RNF6: variants seen among roughly 807,000 people sequenced by gnomAD.
The protein encoded by RNF6 is ring finger protein 6.
Under a neutral mutation model 50.1 loss-of-function variants are expected in RNF6, and 21 were observed. That is an observed-to-expected ratio of 0.42 (90% CI 0.30 to 0.60). The LOEUF is 0.60. RNF6 is among the 20% of genes least tolerant of loss of function. The pLI, the probability that RNF6 is intolerant of heterozygous loss-of-function variation, is 0.20. For missense variants in RNF6, 698 were observed against 838.2 expected (o/e 0.83, Z 2.07); for synonymous variants, 255 against 291.8 (o/e 0.87, Z 1.29).
intron 5 of RNF6, among the ~76,000 whole-genome samples, chr13:26,134,269 C>T (rs1159010841): frequency 6.6e-6 from 1 of 152,236 alleles, no homozygotes; most frequent in Non-Finnish European, 1.5e-5. Flanking sequence ...GTCCTGGCTT[C>T]CTACCTGGCC....
intron 5 of RNF6, among the ~76,000 whole-genome samples, chr13:26,204,023 C>G (rs74512319): frequency 6.6e-6 from 1 of 152,130 alleles, no homozygotes; most frequent in Non-Finnish European, 1.5e-5. Flanking sequence ...TCCTTCCTTC[C>G]CTTTCTTCTC....
chr13:26,183,925 TA>T (rs1285003895), intron 5 of RNF6, among the ~76,000 whole-genome samples: 8 of 144,238 alleles, frequency 5.5e-5, no homozygotes, highest in African/African-American at 1.8e-4. Flanking sequence ...ATACAATATT[TA>T]TTTTTTTATA....
chr13:26,147,809 A>C (rs949913103), intron 5 of RNF6, among the ~76,000 whole-genome samples: 3 of 152,232 alleles, frequency 2.0e-5, no homozygotes, highest in Non-Finnish European at 2.9e-5. Flanking sequence ...AGGACACACA[A>C]GAAAGCTTTC....
At chr13:26,190,721 C>A (rs2137683977) in intron 5 of RNF6, among the ~76,000 whole-genome samples, 1 of 152,244 alleles carries the variant, frequency 6.6e-6, no homozygotes, top group African/African-American at 2.4e-5. Flanking sequence ...ATTTGAACAC[C>A]TATGATATGT....
At chr13:26,171,463 G>A (rs183574408) in intron 5 of RNF6, among the ~76,000 whole-genome samples, 2 of 152,164 alleles carry the variant, frequency 1.3e-5, no homozygotes, top group African/African-American at 2.4e-5. Flanking sequence ...GTAAAATAGT[G>A]CAGCTTCTGT....
chr13:26,148,470 G>A (rs1051182361), intron 5 of RNF6, among the ~76,000 whole-genome samples: 2 of 151,020 alleles, frequency 1.3e-5, no homozygotes, highest in Non-Finnish European at 3.0e-5. Context: ...AAAGTCATTC[G>A]CATTTTTAAA....
At position 26,213,440 on chromosome 13, in the gene RNF6, T is replaced by C. The variant is rs1869463780; in HGVS notation, c.*384A>G. ...AATGAAAAGCTTATTTAGACACAAATGTCTAGATATAAGTACTAAGCCTAT... is the reference window on the plus strand; with the variant it reads ...AATGAAAAGCTTATTTAGACACAAACGTCTAGATATAAGTACTAAGCCTAT... On this transcript the variant is annotated 3_prime_UTR_variant, in exon 5 of 5. Transcript: ENST00000381588. 1 of 156,594 alleles carries C rather than the reference T, an allele frequency of 6.4e-6. No homozygotes were observed. Among genetic ancestry groups the C allele is most frequent in the South Asian group, 2.0e-4 (1 of 4,892 alleles). The allele number at this position is 156,594 out of a possible 1,614,324, so 9.7% of individuals were successfully genotyped here. A position where few individuals can be genotyped will look rare whatever the true frequency, so the allele number is the denominator to read the frequency against.
downstream of RNF6, among the ~76,000 whole-genome samples, chr13:26,209,994 C>T (rs1869257139): frequency 6.6e-6 from 1 of 152,038 alleles, no homozygotes; most frequent in African/African-American, 2.4e-5. Context: ...GATGGATCTC[C>T]AATGATCAAA....
chr13:26,215,048 T>C lies in RNF6; in HGVS notation c.834A>G (p.Ala278=), dbSNP rs765777672. The part of the protein sequence containing the change: ...RQREGQRFGA[A]HVWENGARSN... Reference sequence around the variant, plus strand: ...TTCTAGCCCCATTTTCCCAAACATGTGCTGCTCCAAACCGTTGCCCCTCCC... The same window carrying C: ...TTCTAGCCCCATTTTCCCAAACATGCGCTGCTCCAAACCGTTGCCCCTCCC... Residue 278 remains alanine (A), a synonymous_variant, in exon 5 of 5, where the codon GCA becomes GCG. Transcript: ENST00000381588. 1 of 1,614,248 alleles carries C rather than the reference T, an allele frequency of 6.2e-7. No homozygotes were observed.
intron 5 of RNF6, among the ~76,000 whole-genome samples, chr13:26,160,362 A>G: frequency 6.6e-6 from 1 of 151,996 alleles, no homozygotes; most frequent in East Asian, 1.9e-4. Flanking sequence ...TTATAAGTTT[A>G]TTAAAAGTTC....
intron 5 of RNF6, among the ~76,000 whole-genome samples, chr13:26,187,998 G>C (rs976109449): frequency 1.3e-5 from 2 of 152,218 alleles, no homozygotes; most frequent in Non-Finnish European, 2.9e-5. Flanking sequence ...GATTCTGTAG[G>C]TGTCTGGGCA....
chr13:26,194,158 G>GATGGGT (rs1361712661), intron 5 of RNF6, among the ~76,000 whole-genome samples: 2 of 152,162 alleles, frequency 1.3e-5, no homozygotes, highest in African/African-American at 4.8e-5. Context: ...AATATACACA[G>GATGGGT]ATGGGTATTT....
At chr13:26,133,368 T>C (rs1221774783) in intron 5 of RNF6, among the ~76,000 whole-genome samples, 1 of 152,136 alleles carries the variant, frequency 6.6e-6, no homozygotes, top group South Asian at 2.1e-4. Context: ...GAATCTACAG[T>C]TTGTGTTTTT....
At chr13:26,187,676 C>T (rs1035794752) in intron 5 of RNF6, among the ~76,000 whole-genome samples, 28 of 152,218 alleles carry the variant, frequency 1.8e-4, no homozygotes, top group African/African-American at 6.5e-4. Context: ...ATGCAGATCT[C>T]TTGGACTCCA....
At chr13:26,188,772 G>A (rs1056392608) in intron 5 of RNF6, among the ~76,000 whole-genome samples, 1 of 151,598 alleles carries the variant, frequency 6.6e-6, no homozygotes, top group Non-Finnish European at 1.5e-5. Context: ...TGGGACTACA[G>A]GCACATGCCA....
intron 5 of RNF6, among the ~76,000 whole-genome samples, chr13:26,188,556 G>C (rs948746263): frequency 6.9e-6 from 1 of 144,240 alleles, no homozygotes; most frequent in African/African-American, 2.5e-5. Flanking sequence ...ACTGAGGGGA[G>C]TTTAGGTGAA....
chr13:26,206,457 T>G (rs571077670), intron 5 of RNF6, among the ~76,000 whole-genome samples: 23 of 152,356 alleles, frequency 1.5e-4, no homozygotes, highest in African/African-American at 5.5e-4. Context: ...CTTGAACTGT[T>G]GAAGAACTCT....
chr13:26,216,625 C>T (rs1034701118), intron 4 of RNF6, among the ~76,000 whole-genome samples: 9 of 152,152 alleles, frequency 5.9e-5, no homozygotes, highest in Non-Finnish European at 1.0e-4. Context: ...ACATTAACTA[C>T]ACAAACTTCA....
chr13:26,139,025 T>G (rs1307513281), intron 5 of RNF6, among the ~76,000 whole-genome samples: 1 of 152,260 alleles, frequency 6.6e-6, no homozygotes, highest in Admixed American at 6.5e-5. Context: ...CCATGTTTTT[T>G]AACTTTCTGT....
Sources: allele counts gnomAD v4.1 joint callset (sites outside exome capture counted in the v4.1 genomes callset), GRCh38; gene constraint gnomAD v4.1.1; transcripts MANE v1.5; gene names NCBI Gene and HGNC (gene_info 2026-07-23, HGNC 2026-07-21).